Variants in KCTD16 observed in about 807,000 individuals in gnomAD.
The protein encoded by KCTD16 is BTB/POZ domain-containing protein KCTD16.
A neutral mutation model predicts 33.2 loss-of-function variants in KCTD16; 13 were observed. The ratio of observed to expected loss-of-function variants is 0.39; its 90% CI spans 0.25 to 0.62. The LOEUF (loss-of-function observed/expected upper bound fraction) is 0.62, where lower values mean the gene tolerates loss of function less well. KCTD16 is among the 20% of genes least tolerant of loss of function. The probability of loss-of-function intolerance (pLI) is 0.50; values close to 1 mark genes in which losing one functional copy is unlikely to be tolerated. For missense variants in KCTD16, 441 were observed against 525.1 expected (o/e 0.84, Z 1.57); for synonymous variants, 197 against 195.3 (o/e 1.01, Z -0.07).
chr5:144,251,383 A>G (rs752034236), intron 3 of KCTD16, among the ~76,000 whole-genome samples: 2 of 152,184 alleles, frequency 1.3e-5, no homozygotes, highest in Non-Finnish European at 2.9e-5. Flanking sequence ...CAGTGAGATT[A>G]TAAACATAGG....
At chr5:144,430,509 C>T (rs936220848) in intron 3 of KCTD16, among the ~76,000 whole-genome samples, 1 of 152,116 alleles carries the variant, frequency 6.6e-6, no homozygotes, top group Admixed American at 6.6e-5. Flanking sequence ...CAATTCACCT[C>T]TCTGGACCTC....
chr5:144,396,263 A>T (rs948672566), intron 3 of KCTD16, among the ~76,000 whole-genome samples: 4 of 152,158 alleles, frequency 2.6e-5, no homozygotes, highest in African/African-American at 9.7e-5. Flanking sequence ...CTCTATCCAG[A>T]TATTTCCTTT....
intron 3 of KCTD16, among the ~76,000 whole-genome samples, chr5:144,435,295 G>A (rs1018166367): frequency 2.0e-5 from 3 of 152,084 alleles, no homozygotes; most frequent in East Asian, 1.9e-4. Context: ...AGTATCACCC[G>A]TAGATTTGTT....
At chr5:144,224,421 A>G (rs768972799) in intron 3 of KCTD16, among the ~76,000 whole-genome samples, 75 of 143,312 alleles carry the variant, frequency 5.2e-4, no homozygotes, top group Non-Finnish European at 1.0e-3. Context: ...AAGGGCTCAG[A>G]AACTGTGGTA....
intron 3 of KCTD16, among the ~76,000 whole-genome samples, chr5:144,395,297 T>C (rs979804775): frequency 2.6e-5 from 4 of 152,210 alleles, no homozygotes; most frequent in African/African-American, 9.6e-5. Flanking sequence ...GGAGGCGATA[T>C]GTCCGTGTCT....
intron 3 of KCTD16, among the ~76,000 whole-genome samples, chr5:144,372,886 C>T (rs1486582158): frequency 6.6e-6 from 1 of 152,124 alleles, no homozygotes; most frequent in African/African-American, 2.4e-5. Context: ...AGGGTGACAG[C>T]TTTATTTCAT....
chr5:144,366,968 A>G (rs1751851164), intron 3 of KCTD16, among the ~76,000 whole-genome samples: 1 of 152,192 alleles, frequency 6.6e-6, no homozygotes, highest in South Asian at 2.1e-4. Flanking sequence ...TAGCTGGCTC[A>G]TGGCCTCTGC....
chr5:144,189,463 T>G lies in KCTD16; in HGVS notation c.-327+14991T>G, dbSNP rs967421911. Among the ~76,000 whole-genome samples, 48 of 149,796 alleles carry G rather than the reference T, an allele frequency of 3.2e-4. 1 individual carries two copies. The highest frequency in any genetic ancestry group is 1.2e-3 in the African/African-American group (48 of 40,448). On this transcript the variant is annotated intron_variant, in intron 2 of 3. Transcript: ENST00000512467. ...GTGAGCCTAGATTGCGCCACTGCAC[T>G]TCAGCCGGGGTGACAGAGTGAGACT...
chr5:144,270,886 AAAT>A (rs755704490), intron 3 of KCTD16, among the ~76,000 whole-genome samples: 1 of 151,958 alleles, frequency 6.6e-6, no homozygotes, highest in Non-Finnish European at 1.5e-5. Context: ...AGAGTACTAT[AAAT>A]AATTTTACAC....
chr5:144,239,005 A>C (rs1437083936), intron 3 of KCTD16, among the ~76,000 whole-genome samples: 2 of 152,156 alleles, frequency 1.3e-5, no homozygotes, highest in Non-Finnish European at 2.9e-5. Flanking sequence ...TTGAGAGCAC[A>C]CAGGGGAAGC....
rs559393002 is a variant in KCTD16 at position 144,235,465 on chromosome 5, A to G, written c.832+27919A>G. 1.5e-3 allele frequency among the ~76,000 whole-genome samples: 231 copies of G among 152,144 alleles called. 2 individuals carry two copies. The highest frequency in any genetic ancestry group is 5.1e-3 in the African/African-American group (212 of 41,520). On this transcript the variant is annotated intron_variant, in intron 3 of 3. Coordinates refer to ENST00000512467, the MANE Select transcript of KCTD16 (RefSeq NM_020768.4). ...ACTGAGATCAAATCTTCATTCTACC[A>G]TGCATTTCTTGCTTGACCTTGTGCA...
chr5:144,208,637 A>G (rs980359716), intron 3 of KCTD16, among the ~76,000 whole-genome samples: 1 of 152,246 alleles, frequency 6.6e-6, no homozygotes, highest in African/African-American at 2.4e-5. Context: ...TTTAAACATA[A>G]AAGTAGGACT....
intron 3 of KCTD16, among the ~76,000 whole-genome samples, chr5:144,379,601 A>C (rs1472203876): frequency 6.6e-6 from 1 of 152,178 alleles, no homozygotes; most frequent in Non-Finnish European, 1.5e-5. Context: ...TTCAAAGGTA[A>C]CATCTTCAAC....
chr5:144,474,779 C>G lies in KCTD16; in HGVS notation c.*665C>G, dbSNP rs1245264167. On this transcript the variant is annotated 3_prime_UTR_variant, in exon 4 of 4. Coordinates refer to ENST00000512467, the MANE Select transcript of KCTD16 (RefSeq NM_020768.4). ...ATTTCAGATGGATGAGCTTCTGACT[C>G]TTTCTTAAAATTCTTTTGGGAAGAT... 2 of 152,208 alleles carry G rather than the reference C, an allele frequency of 1.3e-5. No homozygotes were observed. The highest frequency in any genetic ancestry group is 2.4e-5 in the African/African-American group (1 of 41,442). The allele number at this position is 152,208 out of a possible 1,614,324, so 9.4% of individuals were successfully genotyped here.
chr5:144,394,786 G>T (rs1403269263), intron 3 of KCTD16, among the ~76,000 whole-genome samples: 7 of 152,180 alleles, frequency 4.6e-5, no homozygotes, highest in Non-Finnish European at 8.8e-5. Context: ...TTCACCTTCT[G>T]CCATGATTGT....
chr5:144,477,198 T>A lies in KCTD16; in HGVS notation c.*3084T>A, dbSNP rs993769955. 3.6e-4 allele frequency: 55 copies of A among 152,208 alleles called. No homozygotes were observed. The highest frequency in any genetic ancestry group is 1.2e-3 in the African/African-American group (50 of 41,554). The allele number at this position is 152,208 out of a possible 1,614,324, so 9.4% of individuals were successfully genotyped here. A position where few individuals can be genotyped will look rare whatever the true frequency, so the allele number is the denominator to read the frequency against. ...ACAGGAATGTAAAACTACTAGATCA[T>A]ATGGTATTGTGATTTTCTTTCCCCT... On this transcript the variant is annotated 3_prime_UTR_variant, in exon 4 of 4. Transcript: ENST00000512467.
At chr5:144,256,133 C>T (rs1561544805) in intron 3 of KCTD16, among the ~76,000 whole-genome samples, 1 of 152,172 alleles carries the variant, frequency 6.6e-6, no homozygotes, top group Non-Finnish European at 1.5e-5. Flanking sequence ...TGAATACAGG[C>T]ACTTTGGATC....
intron 3 of KCTD16, among the ~76,000 whole-genome samples, chr5:144,300,047 G>A (rs1024201537): frequency 1.3e-5 from 2 of 152,044 alleles, no homozygotes; most frequent in African/African-American, 4.8e-5. Flanking sequence ...TAACTGCATT[G>A]CTTCTAAACC....
intron 3 of KCTD16, among the ~76,000 whole-genome samples, chr5:144,328,958 C>T (rs1752283620): frequency 6.6e-6 from 1 of 150,640 alleles, no homozygotes; most frequent in African/African-American, 2.4e-5. Flanking sequence ...GATTTTAAAT[C>T]TGTATTTAAT....
Sources: gnomAD v4.1 joint callset for allele counts (sites outside exome capture counted in the v4.1 genomes callset) on GRCh38, gnomAD v4.1.1 for gene constraint, MANE v1.5 for transcripts, NCBI Gene and HGNC (gene_info 2026-07-23, HGNC 2026-07-21) for gene names.